FTCD: variants seen among roughly 807,000 people sequenced by gnomAD.
The protein encoded by FTCD is formimidoyltransferase-cyclodeaminase.
FTCD carries 76 observed loss-of-function variants against 62.9 expected under a neutral mutation model. The ratio of observed to expected loss-of-function variants is 1.21; its 90% CI spans 1.00 to 1.46. FTCD has a LOEUF of 1.46. Ranked by LOEUF, FTCD falls within the 40% of genes most tolerant of loss-of-function variation. The pLI is 0.00. For missense variants in FTCD, 845 were observed against 751.3 expected (o/e 1.12, Z -1.46); for synonymous variants, 397 against 336.9 (o/e 1.18, Z -1.95).
chr21:46,146,713 C>T (rs1423540422), intron 7 of FTCD: 1 of 297,350 alleles, frequency 3.4e-6, no homozygotes, highest in African/African-American at 2.1e-5. Context: ...GTCTTCACAT[C>T]TAACAAGTCC....
At chr21:46,146,398 G>C (rs1046038212) in intron 7 of FTCD, 71 bp from the exon 8 acceptor site, 3 of 1,074,918 alleles carry the variant, frequency 2.8e-6, no homozygotes, top group Non-Finnish European at 4.2e-6. Context: ...GGAACCCGCG[G>C]GTCCCACCCT....
intron 11 of FTCD, 99 bp from the exon 12 acceptor site, chr21:46,138,745 C>T (rs967474508): frequency 2.0e-5 from 29 of 1,464,234 alleles, no homozygotes; most frequent in African/African-American, 1.9e-4. Context: ...CAGAAGCGGG[C>T]GATGGGAAGT....
chr21:46,147,748 C>A (rs1394386071), intron 7 of FTCD, among the ~76,000 whole-genome samples: 2 of 151,166 alleles, frequency 1.3e-5, no homozygotes, highest in African/African-American at 4.9e-5. Context: ...ACCAGCCTGG[C>A]CAAGATGGTG....
Position 46,151,714 on chromosome 21 carries a change from G to A in FTCD, c.480C>T (p.Pro160=), listed in dbSNP as rs759284865. Residue 160 remains proline, a synonymous_variant, in exon 5 of 14, where the codon CCC becomes CCT. Coordinates refer to ENST00000397746, the MANE Select transcript of FTCD (RefSeq NM_206965.2). ...PKKLQQADWA[P]DFGPSSFVPS... ...GGACAAAGGAGCTGGGACCAAAGTC[G>A]GGCGCCCAGTCGGCCTGCTGGAGCT... 18 of 1,612,802 alleles carry A rather than the reference G, an allele frequency of 1.1e-5. No homozygotes were observed. Among genetic ancestry groups the A allele is most frequent in the Admixed American group, 1.7e-5 (1 of 60,006 alleles).
downstream of FTCD, chr21:46,136,424 C>A: frequency 1.2e-6 from 2 of 1,612,448 alleles, no homozygotes; most frequent in Non-Finnish European, 8.5e-7. Context: ...ACTGTCCAGA[C>A]CTGCCGGGAG....
Position 46,136,924 on chromosome 21 carries a change from AGCTCT to A in FTCD, c.*58_*62del, listed in dbSNP as rs1568956397. ...CAAGCTGTGTCCCCACCGAGGTCAC[AGCTCT>A]GCCCTCTGGGGATGGGCGAGGGAGG... On this transcript the variant is annotated 3_prime_UTR_variant, in exon 14 of 14. Transcript: ENST00000397746. The A allele has an allele frequency of 6.2e-7, 1 of 1,610,508 alleles. No individual in the cohort carries two copies. Among genetic ancestry groups the A allele is most frequent in the Admixed American group, 1.7e-5 (1 of 59,744 alleles).
At chr21:46,139,409 C>G (rs369978161) in intron 10 of FTCD, among the ~76,000 whole-genome samples, 2 of 151,250 alleles carry the variant, frequency 1.3e-5, no homozygotes, top group African/African-American at 4.9e-5. Context: ...ATGTGTGTAG[C>G]TCACGGCGTC....
At chr21:46,144,997 C>G (rs868504472) in intron 10 of FTCD, among the ~76,000 whole-genome samples, 47 of 151,924 alleles carry the variant, frequency 3.1e-4, no homozygotes, top group Admixed American at 2.5e-3. Context: ...TGAAACGGGT[C>G]GTCTCTGGCC....
intron 10 of FTCD, chr21:46,142,250 G>C (rs1358531991): frequency 2.0e-5 from 3 of 152,390 alleles, no homozygotes; most frequent in African/African-American, 4.8e-5. Flanking sequence ...CCTGACTTCA[G>C]GAGTGAAGCC....
intron 2 of FTCD, 140 bp from the exon 3 acceptor site, chr21:46,153,175 C>G (rs553890491): frequency 8.6e-6 from 8 of 927,182 alleles, no homozygotes; most frequent in Non-Finnish European, 1.1e-5. Flanking sequence ...CACTGACCCA[C>G]AGGGAGGAGG....
intron 1 of FTCD, 24 bp downstream of exon 1, chr21:46,155,446 C>G: frequency 1.9e-6 from 3 of 1,603,302 alleles, no homozygotes; most frequent in Non-Finnish European, 2.6e-6. Context: ...GCCCTAGATG[C>G]TTGACCAGCT....
rs754979321 is a variant in FTCD, at chr21:46,151,527, G to C, written c.636+31C>G. On this transcript the variant is annotated intron_variant, in intron 5 of 13. Coordinates refer to ENST00000397746, the MANE Select transcript of FTCD (RefSeq NM_206965.2). ...CTAACCCTTTCCCGAGGGGCTGGGT[G>C]GGGCTCCATGGGGTCAGTGAACGGG... 3.8e-6 allele frequency: 6 copies of C among 1,589,350 alleles called. No individual in the cohort carries two copies. The South Asian group carries it at 6.6e-5, about 18-fold the overall frequency.
At chr21:46,153,406 G>A (rs2079350763) in intron 2 of FTCD, among the ~76,000 whole-genome samples, 1 of 152,204 alleles carries the variant, frequency 6.6e-6, no homozygotes, top group South Asian at 2.1e-4. Flanking sequence ...CTCTCAGGCA[G>A]CCCCGGCCAG....
rs1404845508 is a variant in FTCD, at chr21:46,151,453, CG to C, written c.636+104del. 41 of 965,326 alleles carry C rather than the reference CG, an allele frequency of 4.2e-5. No homozygotes were observed. In the African/African-American group the frequency reaches 8.4e-4, roughly 20 times the overall value. 59.8% of individuals were successfully genotyped at this position (965,326 alleles called of 1,614,324 possible). A position where few individuals can be genotyped will look rare whatever the true frequency, so the allele number is the denominator to read the frequency against. On this transcript the variant is annotated intron_variant, in intron 5 of 13. Coordinates refer to ENST00000397746, the MANE Select transcript of FTCD (RefSeq NM_206965.2). The stretch of plus-strand genomic sequence containing the variant: ...TGCAGGTGGGAGGCCGAACCCTGTC[CG>C]GCCGGTGCCCCATCCCCACCGACCT...
rs1247615435 is a variant in FTCD, at chr21:46,145,485, A to G, written c.1192T>C (p.Phe398Leu). The G allele has an allele frequency of 3.9e-6, 6 of 1,557,028 alleles. No individual in the cohort carries two copies. The highest frequency in any genetic ancestry group is 4.3e-6 in the Non-Finnish European group (5 of 1,151,268). Residue 398 changes from phenylalanine (F) to leucine (L), a missense_variant, in exon 10 of 14, where the codon TTC (phenylalanine) becomes CTC (leucine). Transcript: ENST00000397746. ...GTTAGCTTGGCCGAAGCCTCGCGGA[A>G]GGGCGGGATCAGGCGCCGCATCGTC... is the stretch of plus-strand genomic sequence containing the variant. ...DTTMRRLIPP[F>L]REASAKLTTL...
chr21:46,152,779 T>G, intron 3 of FTCD, 128 bp downstream of exon 3: 1 of 786,460 alleles, frequency 1.3e-6, no homozygotes, highest in Middle Eastern at 2.4e-4. Context: ...CTTCTGCATG[T>G]TGGCTTTTTG....
In FTCD at chr21:46,138,895, G is replaced by C. The variant is rs762716370; in HGVS notation, c.1289C>G (p.Pro430Arg). 6.2e-7 allele frequency: 1 copy of C among 1,613,130 alleles called. No individual in the cohort carries two copies. The highest frequency in any genetic ancestry group is 1.1e-5 in the South Asian group (1 of 91,074). ...LEAMRLPKNT[P>R]EEKDRRTAAL... ...CCAGGCTCACCTGTCCTTTTCCTCA[G>C]GTGTGTTCTTGGGGAGCCTCATTGC... Residue 430 changes from proline (P) to arginine (R), a missense_variant, in exon 11 of 14, where the codon CCT (proline) becomes CGT (arginine). Transcript: ENST00000397746.
At chr21:46,151,461 GC>G in intron 5 of FTCD, 96 bp downstream of exon 5, 1 of 970,418 alleles carries the variant, frequency 1.0e-6, no homozygotes, top group Non-Finnish European at 1.5e-6. Context: ...TCCGGCCGGT[GC>G]CCCATCCCCA....
rs1053007714 is a variant in FTCD, at chr21:46,136,880, C to T, written c.*107G>A. ...GATGCCCCGCTGCCTGCCCACCTAC[C>T]CTCCGGGCCCCACACGAACAAGCTG... On this transcript the variant is annotated 3_prime_UTR_variant, in exon 14 of 14. Transcript: ENST00000397746. 1.6e-5 allele frequency: 25 copies of T among 1,574,210 alleles called. 1 individual carries two copies. The highest frequency in any genetic ancestry group is 2.0e-5 in the Non-Finnish European group (23 of 1,160,752).
Sources: allele counts gnomAD v4.1 joint callset (sites outside exome capture counted in the v4.1 genomes callset), GRCh38; gene constraint gnomAD v4.1.1; transcripts MANE v1.5; gene names NCBI Gene and HGNC (gene_info 2026-07-23, HGNC 2026-07-21).